CPNE4: variants seen among roughly 807,000 people sequenced by gnomAD.
The protein encoded by CPNE4 is copine 4.
In CPNE4, 25 loss-of-function variants were observed where a neutral mutation model predicts 67.9. The observed-to-expected ratio is 0.37, with a 90% CI of 0.27 to 0.51. CPNE4 has a LOEUF of 0.51. Among genes scored for constraint, CPNE4 ranks in the 20% least tolerant of loss-of-function variants. The pLI is 0.93. For missense variants in CPNE4, 464 were observed against 690.8 expected (o/e 0.67, Z 3.68); for synonymous variants, 242 against 244.9 (o/e 0.99, Z 0.11).
intron 2 of CPNE4, among the ~76,000 whole-genome samples, chr3:131,828,210 T>G (rs1438995239): frequency 6.6e-6 from 1 of 152,160 alleles, no homozygotes; most frequent in Non-Finnish European, 1.5e-5. Flanking sequence ...TTACCTATAA[T>G]AAAAGGCACA....
At chr3:131,625,135 C>T (rs2079042763) in intron 7 of CPNE4, among the ~76,000 whole-genome samples, 1 of 152,126 alleles carries the variant, frequency 6.6e-6, no homozygotes, top group South Asian at 2.1e-4. Context: ...TATAACTTAT[C>T]CAACTCCTCC....
At chr3:132,037,701 C>G, upstream of CPNE4, 2 of 1,122,500 alleles carry the variant, frequency 1.8e-6, no homozygotes, top group Non-Finnish European at 2.6e-6. Context: ...TAGATTCACT[C>G]GCCGGGTTTC....
rs376823480 is a variant in CPNE4, at chr3:131,987,881, G to A, written c.-2+46686C>T. Reference sequence around the variant, plus strand: ...CTAGTGTCAGGGTGACTTACAAGTCGATTTGCTATAAATGTTTACCCAGTG... The same window carrying A: ...CTAGTGTCAGGGTGACTTACAAGTCAATTTGCTATAAATGTTTACCCAGTG... On this transcript the variant is annotated intron_variant, in intron 1 of 15. Coordinates refer to ENST00000429747, the MANE Select transcript of CPNE4 (RefSeq NM_130808.3). Among the ~76,000 whole-genome samples, 109 of 152,256 alleles carry A rather than the reference G, an allele frequency of 7.2e-4. 1 individual carries two copies. The highest frequency in any genetic ancestry group is 2.3e-3 in the African/African-American group (96 of 41,546).
At chr3:131,779,046 C>A (rs940771777) in intron 2 of CPNE4, among the ~76,000 whole-genome samples, 1 of 151,956 alleles carries the variant, frequency 6.6e-6, no homozygotes, top group African/African-American at 2.4e-5. Flanking sequence ...CCAATAACAT[C>A]AAAGCTGAGA....
At chr3:132,027,632 C>T (rs2074141328) in intron 1 of CPNE4, among the ~76,000 whole-genome samples, 1 of 152,086 alleles carries the variant, frequency 6.6e-6, no homozygotes, top group Non-Finnish European at 1.5e-5. Flanking sequence ...AACGTTAACA[C>T]ACATGATCAA....
At chr3:131,619,838 A>T (rs1940365115) in intron 7 of CPNE4, among the ~76,000 whole-genome samples, 1 of 152,174 alleles carries the variant, frequency 6.6e-6, no homozygotes, top group African/African-American at 2.4e-5. Context: ...ATTTTGGGGA[A>T]TCCCTGCAAT....
chr3:131,834,526 TA>T (rs2085485812), intron 2 of CPNE4, among the ~76,000 whole-genome samples: 1 of 152,096 alleles, frequency 6.6e-6, no homozygotes, highest in Non-Finnish European at 1.5e-5. Context: ...TATGTGTTAG[TA>T]AAGAATCACT....
intron 2 of CPNE4, among the ~76,000 whole-genome samples, chr3:131,728,253 G>C (rs962667132): frequency 6.6e-6 from 1 of 152,098 alleles, no homozygotes; most frequent in Non-Finnish European, 1.5e-5. Flanking sequence ...CAAGCACTCT[G>C]TTTTCATTCT....
At chr3:131,784,583 C>T (rs531326421) in intron 2 of CPNE4, among the ~76,000 whole-genome samples, 3 of 152,238 alleles carry the variant, frequency 2.0e-5, no homozygotes, top group Admixed American at 6.5e-5. Flanking sequence ...AACGTCTGAG[C>T]ATCTCTGCCT....
At chr3:131,779,007 T>A (rs2083363799) in intron 2 of CPNE4, among the ~76,000 whole-genome samples, 1 of 152,218 alleles carries the variant, frequency 6.6e-6, no homozygotes, top group South Asian at 2.1e-4. Flanking sequence ...ACAGAATCAA[T>A]GTAAACAAAT....
chr3:131,859,692 A>C (rs1489441285), intron 2 of CPNE4, among the ~76,000 whole-genome samples: 1 of 152,184 alleles, frequency 6.6e-6, no homozygotes, highest in Non-Finnish European at 1.5e-5. Flanking sequence ...ACAAGATTCC[A>C]ATAAACAGCT....
chr3:131,962,443 G>A (rs1164473377), intron 1 of CPNE4, among the ~76,000 whole-genome samples: 1 of 152,160 alleles, frequency 6.6e-6, no homozygotes, highest in African/African-American at 2.4e-5. Context: ...CAACAAAAAT[G>A]TGCTCAGACA....
chr3:131,691,532 G>C (rs530018560), intron 5 of CPNE4, among the ~76,000 whole-genome samples: 2 of 152,210 alleles, frequency 1.3e-5, no homozygotes, highest in African/African-American at 4.8e-5. Flanking sequence ...GTGGACGATG[G>C]TGACTACCAG....
At chr3:131,705,657 C>A (rs1212795552) in intron 3 of CPNE4, among the ~76,000 whole-genome samples, 1 of 152,138 alleles carries the variant, frequency 6.6e-6, no homozygotes, top group Non-Finnish European at 1.5e-5. Flanking sequence ...TACAAAAGCA[C>A]CATCCTAGGA....
At chr3:131,548,728 G>A (rs1236993728) in intron 14 of CPNE4, among the ~76,000 whole-genome samples, 2 of 152,114 alleles carry the variant, frequency 1.3e-5, no homozygotes, top group Non-Finnish European at 2.9e-5. Context: ...TAAGAATTAA[G>A]ATCAGAGAGG....
At chr3:131,886,784 C>G (rs181317071) in intron 2 of CPNE4, among the ~76,000 whole-genome samples, 121 of 152,280 alleles carry the variant, frequency 7.9e-4, no homozygotes, top group African/African-American at 2.8e-3. Context: ...TTACATGAGC[C>G]CTGTAGCCCC....
At chr3:132,036,372 A>G (rs931542347), upstream of CPNE4, among the ~76,000 whole-genome samples, 1 of 152,182 alleles carries the variant, frequency 6.6e-6, no homozygotes, top group South Asian at 2.1e-4. Flanking sequence ...GATGTCTTCT[A>G]TAGCACTCCT....
chr3:131,933,274 G>A (rs1480941151), intron 1 of CPNE4, among the ~76,000 whole-genome samples: 1 of 152,140 alleles, frequency 6.6e-6, no homozygotes, highest in South Asian at 2.1e-4. Flanking sequence ...CAGCAGTCAA[G>A]TCAGAAAACG....
chr3:131,987,607 C>G (rs1358230277), intron 1 of CPNE4, among the ~76,000 whole-genome samples: 2 of 151,968 alleles, frequency 1.3e-5, no homozygotes, highest in Non-Finnish European at 2.9e-5. Flanking sequence ...AGGCTGGTCT[C>G]GAACTCCTGA....
Sources: gnomAD v4.1 joint callset for allele counts (sites outside exome capture counted in the v4.1 genomes callset) on GRCh38, gnomAD v4.1.1 for gene constraint, MANE v1.5 for transcripts, NCBI Gene and HGNC (gene_info 2026-07-23, HGNC 2026-07-21) for gene names.